Variants in NCS1 observed in about 807,000 individuals in gnomAD.
The protein encoded by NCS1 is neuronal calcium sensor 1.
NCS1 carries 6 observed loss-of-function variants against 28.4 expected under a neutral mutation model. The ratio of observed to expected loss-of-function variants is 0.21; its 90% CI spans 0.12 to 0.42. NCS1 has a LOEUF of 0.42. Among genes scored for constraint, NCS1 ranks in the 10% least tolerant of loss-of-function variants. NCS1 has a pLI of 1.00. For missense variants in NCS1, 131 were observed against 241.4 expected, an observed-to-expected ratio of 0.54 and a Z score of 3.03; for synonymous variants, 86 against 99.3, an observed-to-expected ratio of 0.87 and a Z score of 0.79.
chr9:130,211,312 C>T (rs1191870501), intron 2 of NCS1, among the ~76,000 whole-genome samples: 1 of 151,676 alleles, frequency 6.6e-6, no homozygotes, highest in Admixed American at 6.6e-5. Context: ...CATGGTGGAC[C>T]CCCAGAGCCA....
chr9:130,227,657 C>T (rs967403436), intron 7 of NCS1, among the ~76,000 whole-genome samples: 76 of 152,168 alleles, frequency 5.0e-4, no homozygotes, highest in Admixed American at 2.0e-4. Flanking sequence ...TAAGCAGTGA[C>T]GTTGAATGCC....
intron 1 of NCS1, among the ~76,000 whole-genome samples, chr9:130,198,146 C>T (rs113625554): frequency 2.3e-4 from 35 of 152,326 alleles, no homozygotes; most frequent in African/African-American, 5.1e-4. Flanking sequence ...CCCTGGGGCT[C>T]GGCTGCCTGC....
In NCS1 at chr9:130,172,721, A is replaced by G; in HGVS notation, c.58A>G (p.Thr20Ala). The G allele has an allele frequency of 1.3e-6, 2 of 1,508,212 alleles. No homozygotes were observed. Among genetic ancestry groups the G allele is most frequent in the Admixed American group, 1.9e-5 (1 of 51,458 alleles). 93.4% of individuals were successfully genotyped at this position (1,508,212 alleles called of 1,614,324 possible). A position where few individuals can be genotyped will look rare whatever the true frequency, so the allele number is the denominator to read the frequency against. ...AGTTGTGGAGGAGCTGACCAGGAAG[A>G]CCTACTGTGAGTGCTCCCAGCCCCC... is the stretch of plus-strand genomic sequence containing the variant. Reference protein sequence around the residue: ...PEVVEELTRKTYFTEKEVQQW... With the variant: ...PEVVEELTRKAYFTEKEVQQW... The change falls in exon 1 of 8, where the codon ACC (threonine) becomes GCC (alanine). Residue 20 changes from threonine (T) to alanine (A), a missense_variant. Physicochemically the swap from Thr to Ala is moderately conservative, Grantham distance 58. Transcript: ENST00000372398.
intron 1 of NCS1, among the ~76,000 whole-genome samples, 197 bp downstream of exon 1, chr9:130,172,924 C>T (rs1350268472): frequency 6.6e-6 from 1 of 151,644 alleles, no homozygotes; most frequent in Non-Finnish European, 1.5e-5. Flanking sequence ...ATTGTTCTGG[C>T]ACCCCCAGCC....
At chr9:130,194,240 C>T (rs1326540605) in intron 1 of NCS1, among the ~76,000 whole-genome samples, 2 of 150,890 alleles carry the variant, frequency 1.3e-5, no homozygotes, top group Non-Finnish European at 1.5e-5. Flanking sequence ...GCTCCTGGGA[C>T]TGGCTCTCGT....
rs1374579384 is a variant in NCS1 at position 130,219,845 on chromosome 9, G to A, written c.307+42G>A. On this transcript the variant is annotated intron_variant, in intron 4 of 7. Transcript: ENST00000372398. This position sits in a 1 kb window ranked among gnomAD's most constrained non-coding sequence, Gnocchi z 5.7. Reference sequence around the variant, plus strand: ...TGGCCCTGTGTGGCAGCAGCTGGAGGGCCCAGGTCAGAGGGAGGCAGCCCT... The same window carrying A: ...TGGCCCTGTGTGGCAGCAGCTGGAGAGCCCAGGTCAGAGGGAGGCAGCCCT... The A allele has an allele frequency of 1.9e-6, 3 of 1,603,584 alleles. No homozygotes were observed. The East Asian group carries it at 6.7e-5, about 36-fold the overall frequency.
intron 6 of NCS1, among the ~76,000 whole-genome samples, chr9:130,225,530 C>A (rs982969314): frequency 2.6e-5 from 4 of 152,262 alleles, no homozygotes; most frequent in Non-Finnish European, 5.9e-5. Flanking sequence ...ACAGCACAGA[C>A]CCTGTAGTCA....
intron 2 of NCS1, among the ~76,000 whole-genome samples, chr9:130,207,035 T>C (rs371576700): frequency 3.3e-5 from 5 of 152,174 alleles, no homozygotes; most frequent in African/African-American, 1.2e-4. Context: ...TTACTAGCCC[T>C]CTTGTTCCCT....
intron 1 of NCS1, among the ~76,000 whole-genome samples, chr9:130,173,204 G>A (rs372273414): frequency 6.2e-5 from 9 of 146,154 alleles, no homozygotes; most frequent in African/African-American, 1.9e-4. Context: ...TCGTGTGGGG[G>A]GGGGGGTGGC....
chr9:130,198,978 C>T (rs1288813049), intron 1 of NCS1, among the ~76,000 whole-genome samples: 3 of 152,230 alleles, frequency 2.0e-5, no homozygotes, highest in Non-Finnish European at 4.4e-5. Flanking sequence ...ATCCTGAACC[C>T]GTTCCTGCCC....
At position 130,226,897 on chromosome 9, in the gene NCS1, C is replaced by A. The variant is rs904228536; in HGVS notation, c.*17+393C>A. Among the ~76,000 whole-genome samples, 1 of 151,908 alleles carries A rather than the reference C, an allele frequency of 6.6e-6. No homozygotes were observed. Among genetic ancestry groups the A allele is most frequent in the South Asian group, 2.1e-4 (1 of 4,808 alleles). The stretch of plus-strand genomic sequence containing the variant: ...AAAATCAGGCGGGCGTGGTGGTGCG[C>A]ACCTAGTCTCAGCTACTTGGGAGGC... On this transcript the variant is annotated intron_variant, in intron 7 of 7. Coordinates refer to ENST00000372398, the MANE Select transcript of NCS1 (RefSeq NM_014286.4). This position sits in a 1 kb window ranked among gnomAD's most constrained non-coding sequence, Gnocchi z 4.8.
chr9:130,220,753 CTTTTTTTTT>C (rs58649256), intron 4 of NCS1, among the ~76,000 whole-genome samples: 1 of 143,208 alleles, frequency 7.0e-6, no homozygotes, highest in Admixed American at 7.0e-5. Flanking sequence ...TTCTTTCTTT[CTTTTTTTTT>C]TTTTTAAGAA....
chr9:130,189,879 A>AATATATATATATAT (rs1203988125), intron 1 of NCS1, among the ~76,000 whole-genome samples: 13 of 37,744 alleles, frequency 3.4e-4, no homozygotes, highest in African/African-American at 1.3e-3. Context: ...AAAAAAAAAA[A>AATATATATATATAT]ATATATATAT....
chr9:130,222,841 T>C, intron 5 of NCS1, 103 bp downstream of exon 5: 2 of 1,249,102 alleles, frequency 1.6e-6, no homozygotes, highest in Non-Finnish European at 2.3e-6. Context: ...CTGCCCAGGG[T>C]GGAAGCAGGG....
intron 1 of NCS1, among the ~76,000 whole-genome samples, chr9:130,194,325 G>A (rs1832851055): frequency 1.3e-5 from 2 of 152,210 alleles, no homozygotes; most frequent in Non-Finnish European, 1.5e-5. Context: ...CCTCAGGAGC[G>A]CTGCCGGGGT....
At chr9:130,176,138 T>TTTTCTTCCTTTC (rs1832560926) in intron 1 of NCS1, among the ~76,000 whole-genome samples, 1 of 102,218 alleles carries the variant, frequency 9.8e-6, no homozygotes, top group Non-Finnish European at 1.9e-5. Context: ...TATTTGTTCA[T>TTTTCTTCCTTTC]TTTCTTTCTT....
At position 130,217,897 on chromosome 9, in the gene NCS1, A is replaced by T; in HGVS notation, c.155A>T (p.Tyr52Phe). Reference protein sequence around the residue: ...QLDAAGFQKIYKQFFPFGDPT... With the variant: ...QLDAAGFQKIFKQFFPFGDPT... The stretch of plus-strand genomic sequence containing the variant: ...GATGCGGCAGGCTTCCAGAAGATCT[A>T]CAAGCAATTCTTCCCGTTCGGAGAC... The change falls in exon 3 of 8, where the codon TAC becomes TTC. Residue 52 changes from tyrosine (Y) to phenylalanine (F), a missense_variant. Tyr to Phe is a conservative substitution (Grantham distance 22). Coordinates refer to ENST00000372398, the MANE Select transcript of NCS1 (RefSeq NM_014286.4). The T allele has an allele frequency of 6.2e-7, 1 of 1,614,154 alleles. No individual in the cohort carries two copies. Among genetic ancestry groups the T allele is most frequent in the Non-Finnish European group, 8.5e-7 (1 of 1,180,016 alleles).
intron 1 of NCS1, among the ~76,000 whole-genome samples, chr9:130,190,032 A>AAGAGAGAGAG (rs34529294): frequency 0.13 from 15,883 of 120,124 alleles, 1,429 homozygotes; most frequent in Admixed American, 0.21. Flanking sequence ...ATGTTTATGC[A>AAGAGAGAGAG]AGAGAGAGAG....
chr9:130,203,441 G>C (rs1165883834), intron 2 of NCS1, among the ~76,000 whole-genome samples: 1 of 152,182 alleles, frequency 6.6e-6, no homozygotes, highest in African/African-American at 2.4e-5. Context: ...TGAATGAGTG[G>C]ACAGCAAGGA....
Sources: gnomAD v4.1 joint callset for allele counts (sites outside exome capture counted in the v4.1 genomes callset) on GRCh38, gnomAD v4.1.1 for gene constraint, Gnocchi (gnomAD v3.1) non-coding constraint, MANE v1.5 for transcripts, NCBI Gene and HGNC (gene_info 2026-07-23, HGNC 2026-07-21) for gene names.